FSIP1: variants seen among roughly 807,000 people sequenced by gnomAD.
FSIP1 encodes fibrous sheath-interacting protein 1.
Under a neutral mutation model 60.9 loss-of-function variants are expected in FSIP1, and 65 were observed. That is an observed-to-expected ratio of 1.07 (90% CI 0.87 to 1.31). The LOEUF is 1.31. Ranked by LOEUF, FSIP1 falls within the 40% of genes most tolerant of loss-of-function variation. The pLI, the probability that FSIP1 is intolerant of heterozygous loss-of-function variation, is 0.00. For synonymous variants in FSIP1, 209 were observed against 221.2 expected (o/e 0.94, Z 0.49); for missense variants, 675 against 665.5 (o/e 1.01, Z -0.16).
chr15:39,710,548 G>A (rs2140546365), intron 10 of FSIP1, among the ~76,000 whole-genome samples: 2 of 151,668 alleles, frequency 1.3e-5, no homozygotes, highest in Middle Eastern at 3.4e-3. Flanking sequence ...ACAAAACTAT[G>A]AAAATTAAAT....
At chr15:39,717,697 T>C (rs1337157313) in intron 9 of FSIP1, among the ~76,000 whole-genome samples, 1 of 152,196 alleles carries the variant, frequency 6.6e-6, no homozygotes, top group East Asian at 1.9e-4. Flanking sequence ...CAGGAGCCAT[T>C]ATCTCTTGAA....
intron 10 of FSIP1, among the ~76,000 whole-genome samples, chr15:39,685,855 C>G (rs1428773314): frequency 6.6e-6 from 1 of 152,162 alleles, no homozygotes; most frequent in African/African-American, 2.4e-5. Context: ...AGCTGTGTCC[C>G]ACGATACACT....
chr15:39,736,865 G>A (rs1278572418), intron 8 of FSIP1, among the ~76,000 whole-genome samples: 1 of 152,176 alleles, frequency 6.6e-6, no homozygotes, highest in African/African-American at 2.4e-5. Context: ...AGCTATGGAG[G>A]ACACACTGCA....
chr15:39,625,594 A>T (rs535128240), intron 10 of FSIP1, among the ~76,000 whole-genome samples: 40 of 152,206 alleles, frequency 2.6e-4, no homozygotes, highest in Non-Finnish European at 4.4e-4. Context: ...CAGCAAGTCC[A>T]CTTGGATCAG....
At chr15:39,690,219 A>T (rs1440675874) in intron 10 of FSIP1, among the ~76,000 whole-genome samples, 1 of 152,184 alleles carries the variant, frequency 6.6e-6, no homozygotes, top group Non-Finnish European at 1.5e-5. Flanking sequence ...GGGAATCTGG[A>T]TTCATCTTAA....
At chr15:39,769,087 G>A (rs981134277) in intron 3 of FSIP1, among the ~76,000 whole-genome samples, 10 of 151,980 alleles carry the variant, frequency 6.6e-5, no homozygotes, top group Admixed American at 4.6e-4. Flanking sequence ...AGACCATCCT[G>A]GCTAACACGG....
intron 10 of FSIP1, among the ~76,000 whole-genome samples, chr15:39,690,210 G>A (rs967119178): frequency 2.0e-5 from 3 of 152,156 alleles, no homozygotes; most frequent in African/African-American, 7.2e-5. Context: ...AGCCAGCCAG[G>A]GAATCTGGAT....
At chr15:39,777,539 C>A (rs774168500) in intron 1 of FSIP1, among the ~76,000 whole-genome samples, 6 of 152,282 alleles carry the variant, frequency 3.9e-5, no homozygotes, top group Middle Eastern at 3.4e-3. Flanking sequence ...GTGCTATTTC[C>A]GGAAGCAAGA....
chr15:39,625,744 G>C (rs1344515600), intron 10 of FSIP1, among the ~76,000 whole-genome samples: 2 of 152,224 alleles, frequency 1.3e-5, no homozygotes, highest in African/African-American at 2.4e-5. Context: ...AGCTAAAAAA[G>C]CCTGGCCAGG....
intron 5 of FSIP1, among the ~76,000 whole-genome samples, chr15:39,748,383 C>G (rs1310002825): frequency 1.3e-5 from 2 of 152,096 alleles, no homozygotes; most frequent in African/African-American, 4.8e-5. Context: ...CAAGTGTCCA[C>G]GGAGTACTTA....
intron 11 of FSIP1, among the ~76,000 whole-genome samples, chr15:39,603,889 C>CG (rs1890730509): frequency 6.6e-6 from 1 of 152,144 alleles, no homozygotes; most frequent in Admixed American, 6.5e-5. Context: ...AAATCACCTG[C>CG]GGGGTATCTT....
intron 9 of FSIP1, among the ~76,000 whole-genome samples, chr15:39,722,560 C>T (rs987261980): frequency 6.6e-6 from 1 of 152,032 alleles, no homozygotes; most frequent in Non-Finnish European, 1.5e-5. Context: ...TTCCCTAGTT[C>T]CTCTTCCTTC....
At chr15:39,731,104 T>C (rs897719705) in intron 8 of FSIP1, among the ~76,000 whole-genome samples, 17 of 152,130 alleles carry the variant, frequency 1.1e-4, no homozygotes, top group African/African-American at 4.1e-4. Context: ...GGAAAGTGGG[T>C]AGATTGTAGT....
At chr15:39,765,813 T>C (rs1897666318) in intron 3 of FSIP1, 67 bp from the exon 4 acceptor site, 1 of 865,936 alleles carries the variant, frequency 1.2e-6, no homozygotes, top group Non-Finnish European at 1.7e-6. Context: ...GTTTTGTTCT[T>C]ACAATTTGTT....
chr15:39,709,673 G>C (rs1595643473), intron 10 of FSIP1, among the ~76,000 whole-genome samples: 1 of 151,738 alleles, frequency 6.6e-6, no homozygotes, highest in African/African-American at 2.4e-5. Context: ...GGGTGGGGGA[G>C]GGGTATGGTT....
At chr15:39,720,610 T>C (rs947435252) in intron 9 of FSIP1, among the ~76,000 whole-genome samples, 2 of 152,230 alleles carry the variant, frequency 1.3e-5, no homozygotes, top group South Asian at 2.1e-4. Flanking sequence ...AATTTACTAT[T>C]GAATCCGGTT....
chr15:39,699,319 G>T (rs765968047), intron 10 of FSIP1, among the ~76,000 whole-genome samples: 2 of 152,096 alleles, frequency 1.3e-5, no homozygotes, highest in Admixed American at 1.3e-4. Context: ...TTAGAGATAC[G>T]AATAAATGCC....
rs1187237758 is a variant in FSIP1 at position 39,618,170 on chromosome 15, T to C, written c.1264A>G (p.Ile422Val). ...LDECILKQKSIIKLSSERKKE... is the reference protein window; with the variant it reads ...LDECILKQKSVIKLSSERKKE... ...TTTCTTTCTGAAGAAAGTTTAATGA[T>C]GGATTTTTGTTTAAGTATGCATTCA... The change falls in exon 11 of 12, where the codon ATC becomes GTC. Residue 422 changes from isoleucine (I) to valine (V), a missense_variant. Coordinates refer to ENST00000350221, the MANE Select transcript of FSIP1 (RefSeq NM_152597.5). The C allele has an allele frequency of 6.2e-7, 1 of 1,614,024 alleles. No homozygotes were observed. The highest frequency in any genetic ancestry group is 1.1e-5 in the South Asian group (1 of 91,076).
intron 10 of FSIP1, among the ~76,000 whole-genome samples, chr15:39,634,090 G>C (rs753412792): frequency 6.6e-6 from 1 of 152,110 alleles, no homozygotes; most frequent in Non-Finnish European, 1.5e-5. Context: ...CTGCACACAA[G>C]AGACCACCTT....
Sources: gnomAD v4.1 joint callset for allele counts (sites outside exome capture counted in the v4.1 genomes callset) on GRCh38, gnomAD v4.1.1 for gene constraint, MANE v1.5 for transcripts, NCBI Gene and HGNC (gene_info 2026-07-23, HGNC 2026-07-21) for gene names.